Variants in KMO observed in about 807,000 individuals in gnomAD.
KMO encodes the protein kynurenine 3-hydroxylase.
A neutral mutation model predicts 57.8 loss-of-function variants in KMO; 24 were observed. The ratio of observed to expected loss-of-function variants is 0.42; its 90% confidence interval spans 0.30 to 0.58. KMO has a LOEUF of 0.58. Among genes scored for constraint, KMO ranks in the 20% least tolerant of loss-of-function variants. The pLI is 0.22. For synonymous variants in KMO, 210 were observed against 193.6 expected (o/e 1.08, Z -0.70); for missense variants, 483 against 588.2 (o/e 0.82, Z 1.85).
In KMO at chr1:241,569,527, A is replaced by T. The variant is rs555709702; in HGVS notation, c.957+880A>T. ...AGCTGAATAATATTCCATTGTGAAT[A>T]TGTACTACATTTTCCTTATCCATTC... On this transcript the variant is annotated intron_variant, in intron 10 of 14. Transcript: ENST00000366559. 1.7e-3 allele frequency among the ~76,000 whole-genome samples: 263 copies of T among 152,238 alleles called. 1 individual carries two copies. The highest frequency in any genetic ancestry group is 5.9e-3 in the African/African-American group (247 of 41,568).
At chr1:241,555,205 T>C (rs1225307793) in intron 4 of KMO, among the ~76,000 whole-genome samples, 1 of 152,220 alleles carries the variant, frequency 6.6e-6, no homozygotes. Flanking sequence ...CCTTCAAAGT[T>C]GTCTCTTCAG....
At chr1:241,566,367 T>C in intron 8 of KMO, 124 bp from the exon 9 acceptor site, 4 of 1,085,590 alleles carry the variant, frequency 3.7e-6, no homozygotes, top group Non-Finnish European at 5.3e-6. Context: ...CTTTCCTGTC[T>C]GCTTGGACAT....
chr1:241,587,645 T>C (rs372719848), intron 11 of KMO, among the ~76,000 whole-genome samples: 1 of 152,130 alleles, frequency 6.6e-6, no homozygotes, highest in Non-Finnish European at 1.5e-5. Flanking sequence ...GGTTTCGTCA[T>C]GTTGGCCAGG....
chr1:241,534,535 C>T (rs574311247), intron 1 of KMO, among the ~76,000 whole-genome samples: 28 of 152,356 alleles, frequency 1.8e-4, no homozygotes, highest in South Asian at 4.1e-4. Flanking sequence ...TCCATGCTTA[C>T]GCATCATGTT....
At chr1:241,574,683 G>A (rs1662441000) in intron 10 of KMO, among the ~76,000 whole-genome samples, 1 of 151,886 alleles carries the variant, frequency 6.6e-6, no homozygotes, top group Non-Finnish European at 1.5e-5. Flanking sequence ...ATGTTGCTGA[G>A]GATTTTGCAC....
intron 12 of KMO, among the ~76,000 whole-genome samples, chr1:241,589,742 C>CT (rs1663170360): frequency 6.6e-6 from 1 of 152,152 alleles, no homozygotes. Flanking sequence ...GTTAAACAAA[C>CT]CCTCTGCTGA....
In KMO at chr1:241,576,744, A is replaced by G. The variant is rs528779907; in HGVS notation, c.957+8097A>G. Among the ~76,000 whole-genome samples, 39 of 152,212 alleles carry G rather than the reference A, an allele frequency of 2.6e-4. No individual in the cohort carries two copies. In the South Asian group the frequency reaches 7.5e-3, roughly 29 times the overall value. ...ACACCTTGGTGATGTTCTTTTTGTA[A>G]TGAATCTCCCAGGACTTCTTTGAGC... is the stretch of plus-strand genomic sequence containing the variant. On this transcript the variant is annotated intron_variant, in intron 10 of 14. Transcript: ENST00000366559.
At chr1:241,591,211 C>T (rs191016278) in intron 14 of KMO, among the ~76,000 whole-genome samples, 107 of 152,010 alleles carry the variant, frequency 7.0e-4, no homozygotes, top group African/African-American at 2.5e-3. Flanking sequence ...ACAGTAAGTG[C>T]GGGGATAGAA....
chr1:241,568,569 T>G lies in KMO; in HGVS notation c.879T>G (p.Phe293Leu). ...QPMISVKCSS[F>L]HFKSHCVLLG... ...TGATATCTGTAAAGTGCTCTTCATTTCACTTTAAATCTCACTGTGTACTGC... is the reference window on the plus strand; with the variant it reads ...TGATATCTGTAAAGTGCTCTTCATTGCACTTTAAATCTCACTGTGTACTGC... Residue 293 changes from phenylalanine to leucine, a missense_variant, in exon 10 of 15, where the codon TTT (phenylalanine) becomes TTG (leucine). This residue lies in a region of KMO where 410 missense variants were observed against 492.3 expected (regional missense o/e 0.83). Coordinates refer to ENST00000366559, the MANE Select transcript of KMO (RefSeq NM_003679.5). 6.2e-7 allele frequency: 1 copy of G among 1,613,906 alleles called. No individual in the cohort carries two copies. The highest frequency in any genetic ancestry group is 8.5e-7 in the Non-Finnish European group (1 of 1,179,784).
intron 4 of KMO, among the ~76,000 whole-genome samples, chr1:241,553,366 GA>G (rs1661485759): frequency 6.6e-6 from 1 of 152,158 alleles, no homozygotes; most frequent in African/African-American, 2.4e-5. Flanking sequence ...GATGTGGAAA[GA>G]AAATATTTTC....
rs558400285 is a variant in KMO, at chr1:241,567,981, C to T, written c.810-519C>T. 4.7e-4 allele frequency among the ~76,000 whole-genome samples: 71 copies of T among 152,276 alleles called. No individual in the cohort carries two copies. In the South Asian group the frequency reaches 0.014, roughly 29 times the overall value. On this transcript the variant is annotated intron_variant, in intron 9 of 14. Transcript: ENST00000366559. ...ATAAGCACCATGTTGTACAATAAAT[C>T]TCTTGAATTTATTCTTCCTGTCTAA... is the stretch of plus-strand genomic sequence containing the variant.
At position 241,538,177 on chromosome 1, in the gene KMO, T is replaced by C. The variant is rs142710589; in HGVS notation, c.54+5679T>C. Among the ~76,000 whole-genome samples the C allele has an allele frequency of 5.2e-3, 788 of 152,276 alleles. 3 individuals are homozygous for C. The Middle Eastern group carries it at 0.078, about 15-fold the overall frequency. On this transcript the variant is annotated intron_variant, in intron 1 of 14. Coordinates refer to ENST00000366559, the MANE Select transcript of KMO (RefSeq NM_003679.5). The stretch of plus-strand genomic sequence containing the variant: ...ACACATGTTCAGAAAATGGTGGCAT[T>C]AGCATGCTGTGAAGGTGAGGTTTTT...
In KMO at chr1:241,560,655, A is replaced by T; in HGVS notation, c.362-10A>T. 2 of 1,596,960 alleles carry T rather than the reference A, an allele frequency of 1.3e-6. No individual in the cohort carries two copies. The highest frequency in any genetic ancestry group is 1.7e-6 in the Non-Finnish European group (2 of 1,164,470). On this transcript the variant is annotated splice_polypyrimidine_tract_variant and intron_variant, in intron 5 of 14. Transcript: ENST00000366559. The stretch of plus-strand genomic sequence containing the variant: ...TTCATTTCTGTTTGCCTCTTTCTCC[A>T]TTTCCTCAGCTGCTGAGAAATACCC...
rs1660612068 is a variant in KMO at position 241,532,481 on chromosome 1, G to A, written c.37G>A (p.Val13Ile). 1 of 1,609,728 alleles carries A rather than the reference G, an allele frequency of 6.2e-7. No individual in the cohort carries two copies. Among genetic ancestry groups the A allele is most frequent in the Non-Finnish European group, 8.5e-7 (1 of 1,178,830 alleles). The stretch of plus-strand genomic sequence containing the variant: ...TGTCATTCAAAGGAAAAAAGTAGCT[G>A]TCATTGGTGGTGGCTTGGTAAGAAT... ...SSVIQRKKVA[V>I]IGGGLVGSLQ... The change falls in exon 1 of 15, where the codon GTC becomes ATC. Residue 13 changes from valine to isoleucine, a missense_variant. Physicochemically the swap from Val to Ile is conservative, Grantham distance 29. Around this residue, in one of 3 missense-constraint regions of KMO, gnomAD observed 70 missense variants for 78.4 expected, o/e 0.89. Coordinates refer to ENST00000366559, the MANE Select transcript of KMO (RefSeq NM_003679.5).
At chr1:241,549,266 A>AAAGAAAGAAAGAAAGAAAGAAAGG (rs1348387681) in intron 2 of KMO, among the ~76,000 whole-genome samples, 3 of 117,556 alleles carry the variant, frequency 2.6e-5, no homozygotes, top group Admixed American at 8.9e-5. Context: ...AGAAAGAAAG[A>AAAGAAAGAAAGAAAGAAAGAAAGG]AAGGAAGGAA....
rs772240357 is a variant in KMO, at chr1:241,566,659, A to C, written c.809+47A>C. 9.4e-6 allele frequency: 15 copies of C among 1,600,634 alleles called. 1 individual carries two copies. The Middle Eastern group carries it at 8.3e-4, about 88-fold the overall frequency. The stretch of plus-strand genomic sequence containing the variant: ...TTGCTCCATTTGTTTTAATTATTCC[A>C]AATTCAAATAAAGGTTATGCACCTG... On this transcript the variant is annotated intron_variant, in intron 9 of 14. Coordinates refer to ENST00000366559, the MANE Select transcript of KMO (RefSeq NM_003679.5).
intron 1 of KMO, among the ~76,000 whole-genome samples, chr1:241,537,523 G>T (rs1346489176): frequency 6.6e-6 from 1 of 152,080 alleles, no homozygotes; most frequent in African/African-American, 2.4e-5. Flanking sequence ...CTCTTGTTTT[G>T]ATACCAAACT....
intron 10 of KMO, among the ~76,000 whole-genome samples, chr1:241,579,013 A>G (rs1393916535): frequency 6.6e-6 from 1 of 152,118 alleles, no homozygotes; most frequent in Non-Finnish European, 1.5e-5. Context: ...CCATGATTCA[A>G]TTATGTCCCA....
intron 10 of KMO, among the ~76,000 whole-genome samples, chr1:241,569,478 G>A (rs975088563): frequency 1.3e-5 from 2 of 152,038 alleles, no homozygotes; most frequent in Non-Finnish European, 2.9e-5. Flanking sequence ...TGTTGCAAAT[G>A]ATGGCATTTC....
Sources: allele counts gnomAD v4.1 joint callset (sites outside exome capture counted in the v4.1 genomes callset), GRCh38; gene constraint gnomAD v4.1.1; regional missense constraint gnomAD v4.1.1; transcripts MANE v1.5; gene names NCBI Gene and HGNC (gene_info 2026-07-23, HGNC 2026-07-21).